The following SLC5A4 variants were observed in gnomAD, a reference collection of about 807,000 sequenced individuals.
SLC5A4 encodes solute carrier family 5 member 4, also known as probable glucose sensor protein SLC5A4.
A neutral mutation model predicts 70.3 loss-of-function variants in SLC5A4; 55 were observed. The ratio of observed to expected loss-of-function variants is 0.78; its 90% CI spans 0.63 to 0.98. The LOEUF is 0.98. Among genes scored for constraint, SLC5A4 ranks in the 50% least tolerant of loss-of-function variants. SLC5A4 has a pLI of 0.00. For synonymous variants in SLC5A4, 268 were observed against 305.7 expected, an observed-to-expected ratio of 0.88 and a Z score of 1.29; for missense variants, 735 against 839.2, an observed-to-expected ratio of 0.88 and a Z score of 1.53.
chr22:32,332,852 T>C, the SLC5A4 span, among the ~76,000 whole-genome samples: 1 of 152,252 alleles, frequency 6.6e-6, no homozygotes, highest in Non-Finnish European at 1.5e-5. Flanking sequence ...CAAAGTGCTC[T>C]GAGATGCTGT....
At chr22:32,307,958 C>T in the SLC5A4 span, among the ~76,000 whole-genome samples, 5 of 151,368 alleles carry the variant, frequency 3.3e-5, no homozygotes, top group Admixed American at 2.6e-4. Flanking sequence ...TAGATTTTCA[C>T]GGCAGACAAA....
At chr22:32,258,684 A>G (rs902962506), upstream of SLC5A4, among the ~76,000 whole-genome samples, 4 of 152,216 alleles carry the variant, frequency 2.6e-5, no homozygotes, top group African/African-American at 9.6e-5. Context: ...AAGCTTCTTC[A>G]AAAAGTTAAA....
the SLC5A4 span, among the ~76,000 whole-genome samples, chr22:32,344,896 C>A: frequency 6.6e-6 from 1 of 152,126 alleles, no homozygotes; most frequent in Non-Finnish European, 1.5e-5. Context: ...AAGAAAAAAA[C>A]CCACAAGAAC....
the SLC5A4 span, chr22:32,285,172 TA>T: frequency 6.6e-6 from 1 of 152,236 alleles, no homozygotes; most frequent in Admixed American, 6.5e-5. Context: ...GTATATACGA[TA>T]TATGTGTGTA....
chr22:32,218,514 T>C lies in SLC5A4; in HGVS notation c.1980A>G (p.Ter660TrpextTer8). The C allele has an allele frequency of 1.3e-6, 2 of 1,599,534 alleles. No homozygotes were observed. The highest frequency in any genetic ancestry group is 1.7e-6 in the Non-Finnish European group (2 of 1,168,614). Residue 660 changes from the stop codon to tryptophan, a stop_lost, in exon 15 of 15, where the codon TGA (stop) becomes TGG (tryptophan). Coordinates refer to ENST00000266086, the MANE Select transcript of SLC5A4 (RefSeq NM_014227.3). ...ATTATTCTAATGGCTCAGATAGAGT[T>C]CAGGCATAGTAGCCGTGAATAAAGA... ...VVVFIHGYYA* is the reference protein window; with the variant it reads ...VVVFIHGYYAW
intron 8 of SLC5A4, among the ~76,000 whole-genome samples, chr22:32,234,474 A>G (rs899843498): frequency 1.3e-5 from 2 of 152,154 alleles, no homozygotes; most frequent in African/African-American, 2.4e-5. Flanking sequence ...CGAGGCGGGC[A>G]GATCACCTAA....
At chr22:32,310,252 C>G in the SLC5A4 span, among the ~76,000 whole-genome samples, 6 of 152,138 alleles carry the variant, frequency 3.9e-5, no homozygotes, top group African/African-American at 1.4e-4. Flanking sequence ...AGAGCATCAT[C>G]CAGGACAGCA....
chr22:32,307,250 T>C, the SLC5A4 span, among the ~76,000 whole-genome samples: 2 of 152,174 alleles, frequency 1.3e-5, no homozygotes, highest in African/African-American at 4.8e-5. Flanking sequence ...ATAGGAGTTT[T>C]AGGTACAGAG....
the SLC5A4 span, among the ~76,000 whole-genome samples, chr22:32,309,931 C>T: frequency 6.7e-6 from 1 of 149,704 alleles, no homozygotes; most frequent in Non-Finnish European, 1.5e-5. Context: ...GAGGCCTCTT[C>T]CTTGCCACAG....
the SLC5A4 span, among the ~76,000 whole-genome samples, chr22:32,335,167 C>T: frequency 6.6e-6 from 1 of 152,152 alleles, no homozygotes; most frequent in East Asian, 1.9e-4. Context: ...AGCCCTGGGA[C>T]ACCCCTGCAG....
At chr22:32,325,193 G>A in the SLC5A4 span, among the ~76,000 whole-genome samples, 14 of 152,226 alleles carry the variant, frequency 9.2e-5, no homozygotes, top group African/African-American at 3.4e-4. Context: ...AAACTGTGGC[G>A]CCTTCGCCAG....
the SLC5A4 span, among the ~76,000 whole-genome samples, chr22:32,315,959 G>C: frequency 6.6e-6 from 1 of 151,982 alleles, no homozygotes; most frequent in Non-Finnish European, 1.5e-5. Flanking sequence ...ACGAGGTCAG[G>C]AGTTCAAGAC....
At chr22:32,313,423 A>G in the SLC5A4 span, among the ~76,000 whole-genome samples, 78 of 152,330 alleles carry the variant, frequency 5.1e-4, no homozygotes, top group Middle Eastern at 3.4e-3. Context: ...TACAGATACC[A>G]TTCATACTGA....
intron 13 of SLC5A4, among the ~76,000 whole-genome samples, chr22:32,221,608 T>G (rs1188113344): frequency 6.6e-6 from 1 of 152,210 alleles, no homozygotes; most frequent in Non-Finnish European, 1.5e-5. Flanking sequence ...TATATTAAGA[T>G]TTCCATGGTT....
Position 32,239,517 on chromosome 22 carries a change from A to ATT in SLC5A4, c.478-429_478-428dup, listed in dbSNP as rs1377188948. On this transcript the variant is annotated intron_variant, in intron 5 of 14. Transcript: ENST00000266086. The stretch of plus-strand genomic sequence containing the variant: ...ACTGCACTCCAGCCTGGGAGTGCAT[A>ATT]TTATATATATATATATATATATATA... 2.4e-3 allele frequency among the ~76,000 whole-genome samples: 78 copies of ATT among 32,182 alleles called. 1 individual carries two copies. The highest frequency in any genetic ancestry group is 3.9e-3 in the Admixed American group (6 of 1,538). The allele number at this position is 32,182 out of a possible 152,430, so 21.1% of individuals were successfully genotyped here.
At chr22:32,312,557 C>T in the SLC5A4 span, among the ~76,000 whole-genome samples, 2 of 152,090 alleles carry the variant, frequency 1.3e-5, no homozygotes, top group African/African-American at 4.8e-5. Context: ...CAATGAGTCA[C>T]CTCTCAGAAG....
intron 2 of SLC5A4, among the ~76,000 whole-genome samples, chr22:32,253,840 G>T (rs980339069): frequency 3.9e-5 from 6 of 151,946 alleles, no homozygotes; most frequent in African/African-American, 1.5e-4. Context: ...GAGTGCAGTG[G>T]TGTGATCTAG....
the SLC5A4 span, among the ~76,000 whole-genome samples, chr22:32,288,017 CTT>C: frequency 9.9e-4 from 95 of 96,372 alleles, no homozygotes; most frequent in African/African-American, 2.4e-3. Context: ...TTCTTTCTTT[CTT>C]TTTTTTTTTT....
At chr22:32,339,939 C>A in the SLC5A4 span, among the ~76,000 whole-genome samples, 1 of 152,200 alleles carries the variant, frequency 6.6e-6, no homozygotes, top group African/African-American at 2.4e-5. Context: ...GTGAGACCTG[C>A]CTTGCACAGA....
Sources: gnomAD v4.1 joint callset for allele counts (sites outside exome capture counted in the v4.1 genomes callset) on GRCh38, gnomAD v4.1.1 for gene constraint, MANE v1.5 for transcripts, NCBI Gene and HGNC (gene_info 2026-07-23, HGNC 2026-07-21) for gene names.